Variants in IKZF2 observed in about 807,000 individuals in gnomAD.
IKZF2 encodes zinc finger protein Helios.
Under a neutral mutation model 49.2 loss-of-function variants are expected in IKZF2, and 15 were observed. The observed-to-expected ratio is 0.30, with a 90% CI of 0.20 to 0.47. The LOEUF is 0.47. Ranked by LOEUF, IKZF2 falls within the 20% of genes least tolerant of loss-of-function variation. The pLI, the probability that IKZF2 is intolerant of heterozygous loss-of-function variation, is 1.00. For missense variants in IKZF2, 567 were observed against 664.6 expected (o/e 0.85, Z 1.61); for synonymous variants, 227 against 221.4 (o/e 1.03, Z -0.23).
chr2:213,126,649 A>G (rs2060269069), intron 4 of IKZF2, among the ~76,000 whole-genome samples: 2 of 152,200 alleles, frequency 1.3e-5, no homozygotes, highest in African/African-American at 4.8e-5. Context: ...AGTTTTAAAT[A>G]AAATTTTTCA....
intron 6 of IKZF2, among the ~76,000 whole-genome samples, chr2:213,023,127 C>A (rs958774283): frequency 1.3e-5 from 2 of 152,096 alleles, no homozygotes; most frequent in African/African-American, 4.8e-5. Flanking sequence ...GATCCAGGCC[C>A]GTGTCTCTAT....
At chr2:213,064,562 C>T (rs10186029) in intron 4 of IKZF2, among the ~76,000 whole-genome samples, 62,335 of 151,852 alleles carry the variant, frequency 0.41, 13,484 homozygotes, top group East Asian at 0.79. Context: ...GGCCCACAGA[C>T]GGAGTTTCTA....
At chr2:213,091,310 TAATTCCATATCTGAAG>T (rs1402505236) in intron 4 of IKZF2, among the ~76,000 whole-genome samples, 5 of 152,228 alleles carry the variant, frequency 3.3e-5, no homozygotes, top group African/African-American at 1.2e-4. Flanking sequence ...ATTCTGAACT[TAATTCCATATCTGAAG>T]AAAGCTCTCA....
intron 4 of IKZF2, among the ~76,000 whole-genome samples, chr2:213,083,223 A>G (rs1453478123): frequency 6.6e-6 from 1 of 152,062 alleles, no homozygotes; most frequent in African/African-American, 2.4e-5. Context: ...GGCATCCCCA[A>G]ACCCCAGGCC....
chr2:213,150,653 C>A (rs939737091), intron 1 of IKZF2, among the ~76,000 whole-genome samples: 1 of 130,234 alleles, frequency 7.7e-6, no homozygotes, highest in Non-Finnish European at 1.5e-5. Context: ...CTTGATCCAC[C>A]GGTTCCTTAA....
intron 5 of IKZF2, 101 bp downstream of exon 5, chr2:213,056,732 A>C (rs1391282328): frequency 7.0e-7 from 1 of 1,425,834 alleles, no homozygotes; most frequent in South Asian, 1.2e-5. Flanking sequence ...GGTAGTTTTC[A>C]CCACTGCCAC....
intron 4 of IKZF2, among the ~76,000 whole-genome samples, chr2:213,077,205 G>A (rs1005493491): frequency 1.3e-5 from 2 of 152,132 alleles, no homozygotes; most frequent in Non-Finnish European, 2.9e-5. Flanking sequence ...TGATAATAGT[G>A]AACAAATAAG....
chr2:213,106,728 A>G (rs2059545121), intron 4 of IKZF2, among the ~76,000 whole-genome samples: 1 of 152,072 alleles, frequency 6.6e-6, no homozygotes, highest in African/African-American at 2.4e-5. Flanking sequence ...TAAATATCTA[A>G]AAGTTTCTTG....
At chr2:213,087,133 G>A (rs988116040) in intron 4 of IKZF2, among the ~76,000 whole-genome samples, 2 of 152,016 alleles carry the variant, frequency 1.3e-5, no homozygotes, top group Non-Finnish European at 2.9e-5. Flanking sequence ...TGGAAAACCC[G>A]AGCAAATCAA....
At chr2:213,043,129 G>C (rs976129597) in intron 6 of IKZF2, among the ~76,000 whole-genome samples, 3 of 151,764 alleles carry the variant, frequency 2.0e-5, no homozygotes, top group African/African-American at 7.3e-5. Flanking sequence ...GACAAGAAGA[G>C]TTCCTAAGCA....
intron 3 of IKZF2, among the ~76,000 whole-genome samples, 176 bp from the exon 4 acceptor site, chr2:213,147,988 T>C (rs1474338873): frequency 6.6e-6 from 1 of 151,228 alleles, no homozygotes; most frequent in Non-Finnish European, 1.5e-5. Context: ...AATGAAATGA[T>C]GAGAAGCCAT....
intron 4 of IKZF2, among the ~76,000 whole-genome samples, chr2:213,078,956 T>C (rs185863066): frequency 1.6e-3 from 239 of 152,340 alleles, no homozygotes; most frequent in Middle Eastern, 6.8e-3. Context: ...GATATGACAG[T>C]AGTACTAGCC....
rs555019451 is a variant in IKZF2 at position 213,005,682 on chromosome 2, C to T, written c.*1678G>A. 1.3e-5 allele frequency: 2 copies of T among 152,028 alleles called. No homozygotes were observed. Among genetic ancestry groups the T allele is most frequent in the Non-Finnish European group, 2.9e-5 (2 of 67,988 alleles). The allele number at this position is 152,028 out of a possible 1,614,324, so 9.4% of individuals were successfully genotyped here. ...GGTTATCAGATAATCCAGTCACAGT[C>T]AGGTCTGTCCTCCCCAAACAGAAGC... is the stretch of plus-strand genomic sequence containing the variant. On this transcript the variant is annotated 3_prime_UTR_variant, in exon 9 of 9. Coordinates refer to ENST00000434687, the MANE Select transcript of IKZF2 (RefSeq NM_001387220.1).
chr2:213,108,249 A>G (rs1054178724), intron 4 of IKZF2, among the ~76,000 whole-genome samples: 2 of 152,160 alleles, frequency 1.3e-5, no homozygotes, highest in Non-Finnish European at 2.9e-5. Context: ...ATTGAGGAAA[A>G]AAAGTTTTTC....
At chr2:213,111,947 T>C (rs2059717316) in intron 4 of IKZF2, among the ~76,000 whole-genome samples, 1 of 152,186 alleles carries the variant, frequency 6.6e-6, no homozygotes. Context: ...AATTGTAATT[T>C]ATTTTTTTAG....
At chr2:213,108,921 A>C (rs58271591) in intron 4 of IKZF2, among the ~76,000 whole-genome samples, 1,914 of 152,170 alleles carry the variant, frequency 0.013, 35 homozygotes, top group African/African-American at 0.044. Flanking sequence ...TTCCTCTATG[A>C]AATATACATC....
At chr2:213,046,566 A>C (rs1177671846) in intron 6 of IKZF2, among the ~76,000 whole-genome samples, 1 of 152,188 alleles carries the variant, frequency 6.6e-6, no homozygotes, top group Non-Finnish European at 1.5e-5. Flanking sequence ...AATTTCATTC[A>C]GCTAGTACAT....
At chr2:213,032,839 T>C (rs1386787287) in intron 6 of IKZF2, among the ~76,000 whole-genome samples, 2 of 152,210 alleles carry the variant, frequency 1.3e-5, no homozygotes, top group Non-Finnish European at 2.9e-5. Flanking sequence ...CTGGTGGTTG[T>C]TGAAGGCTGG....
intron 4 of IKZF2, among the ~76,000 whole-genome samples, chr2:213,138,265 A>C (rs2060747204): frequency 6.6e-6 from 1 of 152,096 alleles, no homozygotes; most frequent in Non-Finnish European, 1.5e-5. Context: ...AAACATCTAC[A>C]TTAACATTCA....
Sources: gnomAD v4.1 joint callset for allele counts (sites outside exome capture counted in the v4.1 genomes callset) on GRCh38, gnomAD v4.1.1 for gene constraint, MANE v1.5 for transcripts, NCBI Gene and HGNC (gene_info 2026-07-23, HGNC 2026-07-21) for gene names.